Variants in TPH2 observed in about 807,000 individuals in gnomAD.
TPH2 encodes tryptophan hydroxylase 2.
TPH2 carries 27 observed loss-of-function variants against 59.1 expected under a neutral mutation model. That is an observed-to-expected ratio of 0.46 (90% confidence interval 0.34 to 0.63). The LOEUF is 0.63. TPH2 is among the 30% of genes least tolerant of loss of function. The probability of loss-of-function intolerance (pLI) is 0.01; values close to 1 mark genes in which losing one functional copy is unlikely to be tolerated. For synonymous variants in TPH2, 220 were observed against 210.5 expected (o/e 1.05, Z -0.39); for missense variants, 523 against 588.3 (o/e 0.89, Z 1.15).
rs1162342730 is a variant in TPH2 at position 71,970,898 on chromosome 12, T to G, written c.609-1621T>G. ...GCAAATGTGAATTTCTGTTTTTTTC[T>G]TCAGTATGTGTTATTCCCTTATCCC... is the stretch of plus-strand genomic sequence containing the variant. On this transcript the variant is annotated intron_variant, in intron 5 of 10. Coordinates refer to ENST00000333850, the MANE Select transcript of TPH2 (RefSeq NM_173353.4). 2.6e-5 allele frequency among the ~76,000 whole-genome samples: 4 copies of G among 152,368 alleles called. No individual in the cohort carries two copies. In the East Asian group the frequency reaches 5.8e-4, roughly 22 times the overall value.
rs186050805 is a variant in TPH2 at position 71,948,550 on chromosome 12, T to C, written c.541-1038T>C. Among the ~76,000 whole-genome samples, 34 of 152,320 alleles carry C rather than the reference T, an allele frequency of 2.2e-4. 1 individual carries two copies. In the East Asian group the frequency reaches 6.4e-3, roughly 29 times the overall value. The stretch of plus-strand genomic sequence containing the variant: ...GATTTGCTAATGAGTTTGAGGCTCC[T>C]CTTGAGCGGCCCATCTTGCAGAGCT... On this transcript the variant is annotated intron_variant, in intron 4 of 10. Transcript: ENST00000333850.
chr12:71,964,897 A>G (rs1871774383), intron 5 of TPH2: 2 of 273,214 alleles, frequency 7.3e-6, no homozygotes, highest in Middle Eastern at 1.9e-3. Flanking sequence ...TGTTAAGCCT[A>G]GTACCCAATA....
chr12:72,028,036 G>T (rs889268655), intron 9 of TPH2, among the ~76,000 whole-genome samples: 4 of 152,144 alleles, frequency 2.6e-5, no homozygotes, highest in Admixed American at 1.3e-4. Context: ...CTGGTTCCCA[G>T]CCCTGTGCCC....
At chr12:71,997,918 C>T (rs1417741796) in intron 8 of TPH2, among the ~76,000 whole-genome samples, 1 of 152,100 alleles carries the variant, frequency 6.6e-6, no homozygotes, top group African/African-American at 2.4e-5. Flanking sequence ...TGAGTGAGTT[C>T]TGAGTTCAGT....
chr12:72,001,428 CTTTT>C (rs529030879), intron 8 of TPH2, among the ~76,000 whole-genome samples: 3 of 141,038 alleles, frequency 2.1e-5, no homozygotes, highest in Non-Finnish European at 1.6e-5. Context: ...GCTTTGTGTT[CTTTT>C]TTTTTTTTTT....
chr12:72,025,744 G>A (rs1873550625), intron 9 of TPH2, among the ~76,000 whole-genome samples: 1 of 152,130 alleles, frequency 6.6e-6, no homozygotes, highest in Middle Eastern at 3.2e-3. Context: ...TTAACAATGA[G>A]CTGAGTCACC....
chr12:72,005,389 A>C (rs1197117477), intron 8 of TPH2, among the ~76,000 whole-genome samples: 1 of 109,516 alleles, frequency 9.1e-6, no homozygotes, highest in African/African-American at 3.0e-5. Flanking sequence ...TAAAAAGATA[A>C]CATATATTTA....
At chr12:71,967,600 G>A (rs549854248) in intron 5 of TPH2, among the ~76,000 whole-genome samples, 2 of 152,282 alleles carry the variant, frequency 1.3e-5, no homozygotes, top group South Asian at 4.1e-4. Context: ...AATTTTGGTG[G>A]TTGTTGAGAA....
intron 7 of TPH2, among the ~76,000 whole-genome samples, chr12:71,979,617 C>T (rs1442514147): frequency 6.6e-6 from 1 of 152,216 alleles, no homozygotes; most frequent in Non-Finnish European, 1.5e-5. Flanking sequence ...TGTGATTCTT[C>T]TCTGATTCTG....
At chr12:71,980,221 G>A (rs1195714779) in intron 7 of TPH2, among the ~76,000 whole-genome samples, 3 of 152,138 alleles carry the variant, frequency 2.0e-5, no homozygotes, top group African/African-American at 7.2e-5. Context: ...TTGCCTTCCT[G>A]GGCTCCATTA....
Position 71,949,631 on chromosome 12 carries a change from T to A in TPH2, c.584T>A (p.Val195Glu), listed in dbSNP as rs1329923017. 1.2e-5 allele frequency: 20 copies of A among 1,613,108 alleles called. No homozygotes were observed. Among genetic ancestry groups the A allele is most frequent in the Non-Finnish European group, 1.7e-5 (20 of 1,179,312 alleles). The change falls in exon 5 of 11, where the codon GTG (valine) becomes GAG (glutamate). Residue 195 changes from valine to glutamate, a missense_variant. Val to Glu is a moderately radical substitution (Grantham distance 121, BLOSUM62 -2). Coordinates refer to ENST00000333850, the MANE Select transcript of TPH2 (RefSeq NM_173353.4). Reference protein sequence around the residue: ...NVYRQRRKYFVDVAMGYKYGQ... With the variant: ...NVYRQRRKYFEDVAMGYKYGQ... The stretch of plus-strand genomic sequence containing the variant: ...TATCGACAGAGAAGAAAGTATTTTG[T>A]GGATGTGGCCATGGGTTATAAATAG...
chr12:71,981,685 C>T (rs1224038712), intron 7 of TPH2, among the ~76,000 whole-genome samples: 1 of 151,724 alleles, frequency 6.6e-6, no homozygotes, highest in Non-Finnish European at 1.5e-5. Flanking sequence ...CTAATAATGA[C>T]TGAGAATATT....
At chr12:71,992,099 G>A (rs1333726530) in intron 7 of TPH2, among the ~76,000 whole-genome samples, 2 of 152,192 alleles carry the variant, frequency 1.3e-5, no homozygotes, top group Admixed American at 6.5e-5. Context: ...GAAGCACTGG[G>A]TTGGAGGAAA....
rs115248097 is a variant in TPH2, at chr12:71,973,951, G to T, written c.805+1236G>T. Among the ~76,000 whole-genome samples, 233 of 151,944 alleles carry T rather than the reference G, an allele frequency of 1.5e-3. 1 individual carries two copies. The highest frequency in any genetic ancestry group is 5.3e-3 in the African/African-American group (219 of 41,412). ...ACAACACCTCCTTGGAACAATAGCT[G>T]GGAAATAGGCTTGTGAGGGGTTGGG... is the stretch of plus-strand genomic sequence containing the variant. On this transcript the variant is annotated intron_variant, in intron 6 of 10. Transcript: ENST00000333850.
At chr12:71,997,468 A>G (rs919910883) in intron 8 of TPH2, among the ~76,000 whole-genome samples, 30 of 152,134 alleles carry the variant, frequency 2.0e-4, no homozygotes, top group African/African-American at 6.3e-4. Flanking sequence ...CTTGAAATCT[A>G]TTTTACTAGG....
chr12:71,947,965 T>C (rs562048905), intron 4 of TPH2, among the ~76,000 whole-genome samples: 1 of 152,278 alleles, frequency 6.6e-6, no homozygotes, highest in East Asian at 1.9e-4. Flanking sequence ...CAGGACGCTT[T>C]TCCTTTTGTC....
chr12:72,031,145 C>T, intron 9 of TPH2, 113 bp from the exon 10 acceptor site: 1 of 1,373,270 alleles, frequency 7.3e-7, no homozygotes, highest in South Asian at 1.2e-5. Context: ...AGACTAGTAA[C>T]TGAGCAGCTC....
chr12:71,996,035 T>C (rs972068109), intron 8 of TPH2, among the ~76,000 whole-genome samples: 9 of 152,236 alleles, frequency 5.9e-5, no homozygotes, highest in African/African-American at 2.2e-4. Flanking sequence ...ATAATTTCTA[T>C]GGCTGGAAAT....
At chr12:72,022,080 T>C (rs1873434248) in intron 8 of TPH2, among the ~76,000 whole-genome samples, 1 of 152,208 alleles carries the variant, frequency 6.6e-6, no homozygotes, top group Non-Finnish European at 1.5e-5. Flanking sequence ...GGAGGTATCA[T>C]TGTGATATAA....
Sources: gnomAD v4.1 joint callset for allele counts (sites outside exome capture counted in the v4.1 genomes callset) on GRCh38, gnomAD v4.1.1 for gene constraint, MANE v1.5 for transcripts, NCBI Gene and HGNC (gene_info 2026-07-23, HGNC 2026-07-21) for gene names.